The following GAREM1 variants were observed in gnomAD, a reference collection of about 807,000 sequenced individuals.
GAREM1 encodes the protein GRB2-associated and regulator of MAPK protein 1.
Under a neutral mutation model 71.3 loss-of-function variants are expected in GAREM1, and 26 were observed. The observed-to-expected ratio is 0.36, with a 90% CI of 0.27 to 0.51. The LOEUF (loss-of-function observed/expected upper bound fraction) is 0.51, where lower values mean the gene tolerates loss of function less well. Among genes scored for constraint, GAREM1 ranks in the 20% least tolerant of loss-of-function variants. The pLI is 0.95. For missense variants in GAREM1, 1,026 were observed against 1,103.1 expected (o/e 0.93, Z 0.99); for synonymous variants, 440 against 433.2 (o/e 1.02, Z -0.20).
At chr18:32,467,558 T>G (rs1396607653) in intron 1 of GAREM1, among the ~76,000 whole-genome samples, 1 of 152,204 alleles carries the variant, frequency 6.6e-6, no homozygotes, top group Non-Finnish European at 1.5e-5. Flanking sequence ...ATACATATTA[T>G]GCATCTAGAA....
intron 5 of GAREM1, 27 bp downstream of exon 5, chr18:32,270,190 G>A: frequency 6.2e-7 from 1 of 1,610,426 alleles, no homozygotes; most frequent in Non-Finnish European, 8.5e-7. Flanking sequence ...AGATAAGCGT[G>A]CAGTGGGACC....
At chr18:32,430,242 T>A (rs776597071) in intron 1 of GAREM1, among the ~76,000 whole-genome samples, 2 of 152,116 alleles carry the variant, frequency 1.3e-5, no homozygotes, top group African/African-American at 2.4e-5. Context: ...TAGAACACTC[T>A]CTTACCAAAT....
chr18:32,296,991 C>T (rs1450801190), intron 3 of GAREM1, among the ~76,000 whole-genome samples: 2 of 152,180 alleles, frequency 1.3e-5, no homozygotes, highest in Admixed American at 1.3e-4. Flanking sequence ...CAAACTAATA[C>T]CCACAGTCCA....
chr18:32,378,057 T>TGTGTGCGCGCGCGC (rs1293817110), intron 2 of GAREM1, among the ~76,000 whole-genome samples: 1 of 127,526 alleles, frequency 7.8e-6, no homozygotes, highest in African/African-American at 3.0e-5. Flanking sequence ...TGTGTGTGTG[T>TGTGTGCGCGCGCGC]GCGCGCGGGC....
intron 2 of GAREM1, among the ~76,000 whole-genome samples, chr18:32,373,494 C>G (rs1478912330): frequency 2.0e-5 from 3 of 152,122 alleles, no homozygotes; most frequent in Non-Finnish European, 4.4e-5. Flanking sequence ...AGACCCAGAC[C>G]TACATTTTCT....
At chr18:32,446,938 T>C in intron 1 of GAREM1, among the ~76,000 whole-genome samples, 1 of 152,198 alleles carries the variant, frequency 6.6e-6, no homozygotes, top group East Asian at 1.9e-4. Flanking sequence ...AAACAGTAAC[T>C]GAGCAGCAGT....
At chr18:32,378,434 A>G (rs1291923265) in intron 2 of GAREM1, among the ~76,000 whole-genome samples, 2 of 144,086 alleles carry the variant, frequency 1.4e-5, no homozygotes, top group Non-Finnish European at 3.0e-5. Context: ...TGGGAGGGGG[A>G]GGTTGCAGTG....
chr18:32,439,420 C>A (rs1021573954), intron 1 of GAREM1, among the ~76,000 whole-genome samples: 21 of 152,106 alleles, frequency 1.4e-4, no homozygotes, highest in African/African-American at 5.1e-4. Context: ...AGCAGGCACA[C>A]TTTGTATAAG....
chr18:32,417,706 T>C (rs1026694398), intron 1 of GAREM1, among the ~76,000 whole-genome samples: 1 of 151,670 alleles, frequency 6.6e-6, no homozygotes, highest in Non-Finnish European at 1.5e-5. Context: ...CATAGAAGCA[T>C]GGTTACAAGA....
intron 1 of GAREM1, among the ~76,000 whole-genome samples, chr18:32,436,592 G>A (rs928924644): frequency 6.6e-6 from 1 of 152,148 alleles, no homozygotes; most frequent in Non-Finnish European, 1.5e-5. Context: ...GAAGTCAAAT[G>A]TCATTTCTGT....
In GAREM1 at chr18:32,287,619, C is replaced by A. The variant is rs772954811; in HGVS notation, c.978G>T (p.Trp326Cys). ...ESWPETLVHH[W>C]LGICQEQFDI... ...CGAACTGTTCTTGGCAGATACCTAG[C>A]CAGTGATGGACCAGGGTTTCGGGCC... Residue 326 changes from tryptophan (W) to cysteine (C), a missense_variant, in exon 4 of 6, where the codon TGG (tryptophan) becomes TGT (cysteine). Coordinates refer to ENST00000269209, the MANE Select transcript of GAREM1 (RefSeq NM_001242409.2). The surrounding 1 kb of genome is among the most constrained non-coding windows in gnomAD (Gnocchi z 5.9). The A allele has an allele frequency of 6.2e-7, 1 of 1,614,194 alleles. No individual in the cohort carries two copies. Among genetic ancestry groups the A allele is most frequent in the Non-Finnish European group, 8.5e-7 (1 of 1,180,042 alleles).
At chr18:32,455,674 T>C (rs1333169397) in intron 1 of GAREM1, among the ~76,000 whole-genome samples, 1 of 152,184 alleles carries the variant, frequency 6.6e-6, no homozygotes, top group Non-Finnish European at 1.5e-5. Context: ...CTTCAAAATG[T>C]ATTTAAATTT....
chr18:32,318,875 A>C (rs1247996620), intron 2 of GAREM1, among the ~76,000 whole-genome samples: 3 of 152,140 alleles, frequency 2.0e-5, no homozygotes, highest in African/African-American at 7.2e-5. Context: ...AACCAGCCCA[A>C]AATGTTAAAG....
chr18:32,295,352 T>A (rs1328829728), intron 3 of GAREM1, among the ~76,000 whole-genome samples: 1 of 152,220 alleles, frequency 6.6e-6, no homozygotes, highest in Non-Finnish European at 1.5e-5. Context: ...AAGACAATAC[T>A]GTGTAATTCT....
chr18:32,337,592 A>G (rs1460417000), intron 2 of GAREM1, among the ~76,000 whole-genome samples: 1 of 152,194 alleles, frequency 6.6e-6, no homozygotes, highest in African/African-American at 2.4e-5. Context: ...TACCTTTGAG[A>G]TCTAAATGAT....
At chr18:32,312,401 G>C (rs2047333651) in intron 2 of GAREM1, among the ~76,000 whole-genome samples, 1 of 152,126 alleles carries the variant, frequency 6.6e-6, no homozygotes, top group Non-Finnish European at 1.5e-5. Context: ...GTGAGTGGGT[G>C]TCAAATGCTG....
intron 2 of GAREM1, among the ~76,000 whole-genome samples, chr18:32,359,334 T>C (rs1345236283): frequency 6.6e-6 from 1 of 152,168 alleles, no homozygotes; most frequent in African/African-American, 2.4e-5. Flanking sequence ...GTATATCTTA[T>C]CTACTGATTT....
intron 4 of GAREM1, among the ~76,000 whole-genome samples, chr18:32,272,599 A>C (rs1194613945): frequency 6.6e-6 from 1 of 151,778 alleles, no homozygotes; most frequent in Non-Finnish European, 1.5e-5. Context: ...GGGCTGGCCC[A>C]GGAAAGACCC....
chr18:32,321,052 C>T (rs967283278), intron 2 of GAREM1, among the ~76,000 whole-genome samples: 50 of 152,086 alleles, frequency 3.3e-4, no homozygotes, highest in African/African-American at 1.2e-3. Context: ...ATTTTAAGCC[C>T]GTTTCCATCT....
Sources: gnomAD v4.1 joint callset for allele counts (sites outside exome capture counted in the v4.1 genomes callset) on GRCh38, gnomAD v4.1.1 for gene constraint, Gnocchi (gnomAD v3.1) non-coding constraint, MANE v1.5 for transcripts, NCBI Gene and HGNC (gene_info 2026-07-23, HGNC 2026-07-21) for gene names.